The following RYR3 variants were observed in gnomAD, a reference collection of about 807,000 sequenced individuals.
The protein encoded by RYR3 is brain ryanodine receptor-calcium release channel.
In RYR3, 207 loss-of-function variants were observed where a neutral mutation model predicts 584.3. That is an observed-to-expected ratio of 0.35 (90% confidence interval 0.32 to 0.40). The LOEUF (loss-of-function observed/expected upper bound fraction) is 0.40, where lower values mean the gene tolerates loss of function less well. RYR3 is among the 10% of genes least tolerant of loss of function. The pLI is 1.00. For synonymous variants in RYR3, 2,416 were observed against 2,248.5 expected, an observed-to-expected ratio of 1.07 and a Z score of -2.11; for missense variants, 5,616 against 6,089.2, an observed-to-expected ratio of 0.92 and a Z score of 2.59.
At position 33,336,465 on chromosome 15, in the gene RYR3, AG is replaced by A. The variant is rs1383562989; in HGVS notation, c.51+25370del. On this transcript the variant is annotated intron_variant, in intron 1 of 103. Transcript: ENST00000634891. ...AAGAGAGAGAGAGAGAGAGAGAGAGAGAGAGAGAGAGAGAGAGAGAGAAAGA... is the reference window on the plus strand; with the variant it reads ...AAGAGAGAGAGAGAGAGAGAGAGAGAAGAGAGAGAGAGAGAGAGAGAAAGA... Among the ~76,000 whole-genome samples the A allele has an allele frequency of 1.0e-4, 3 of 29,696 alleles. 1 individual carries two copies. The African/African-American group carries it at 1.4e-3, about 14-fold the overall frequency. The allele number at this position is 29,696 out of a possible 152,430, so 19.5% of individuals were successfully genotyped here.
intron 1 of RYR3, among the ~76,000 whole-genome samples, chr15:33,442,806 T>C (rs762595111): frequency 2.6e-5 from 4 of 152,234 alleles, no homozygotes; most frequent in Non-Finnish European, 4.4e-5. Flanking sequence ...CCAAAATAGA[T>C]GCTGCAAAGC....
chr15:33,537,229 T>G (rs2055404881), intron 5 of RYR3, among the ~76,000 whole-genome samples: 1 of 151,934 alleles, frequency 6.6e-6, no homozygotes, highest in African/African-American at 2.4e-5. Context: ...GAAAATCTGG[T>G]TAGATTCGCT....
chr15:33,740,876 G>A (rs139726617), intron 51 of RYR3, among the ~76,000 whole-genome samples: 30 of 152,328 alleles, frequency 2.0e-4, no homozygotes, highest in African/African-American at 7.2e-4. Context: ...CATTCCGTTG[G>A]AAAGAGCTTT....
chr15:33,595,086 A>T (rs781343065), intron 16 of RYR3, among the ~76,000 whole-genome samples: 1 of 111,780 alleles, frequency 8.9e-6, no homozygotes, highest in Non-Finnish European at 2.1e-5. Context: ...AGAAAAAGAC[A>T]TAATTTATAA....
intron 3 of RYR3, among the ~76,000 whole-genome samples, chr15:33,504,861 C>G (rs1357730654): frequency 6.6e-6 from 1 of 152,184 alleles, no homozygotes; most frequent in Non-Finnish European, 1.5e-5. Flanking sequence ...TTCCCTCCTC[C>G]TCTCTCACTT....
chr15:33,448,604 G>A (rs1040735685), intron 1 of RYR3, among the ~76,000 whole-genome samples: 2 of 152,248 alleles, frequency 1.3e-5, no homozygotes, highest in Admixed American at 6.5e-5. Flanking sequence ...TCCACAGATG[G>A]TGACAAAGTA....
At chr15:33,456,570 G>A (rs1268383199) in intron 1 of RYR3, among the ~76,000 whole-genome samples, 1 of 152,088 alleles carries the variant, frequency 6.6e-6, no homozygotes, top group Non-Finnish European at 1.5e-5. Context: ...CTCCCGAGGT[G>A]CTTCACTCCT....
chr15:33,853,226 G>T, intron 95 of RYR3, 139 bp downstream of exon 95: 4 of 901,054 alleles, frequency 4.4e-6, no homozygotes, highest in Non-Finnish European at 6.6e-6. Flanking sequence ...TCACAGAAGG[G>T]GTTGGATATG....
intron 18 of RYR3, 135 bp downstream of exon 18, chr15:33,603,499 G>A: frequency 2.1e-6 from 2 of 958,952 alleles, no homozygotes; most frequent in South Asian, 1.7e-5. Flanking sequence ...CGGTTAGGTG[G>A]AAAAGAGTAT....
intron 3 of RYR3, among the ~76,000 whole-genome samples, chr15:33,503,980 A>G (rs945651832): frequency 4.6e-5 from 7 of 152,232 alleles, no homozygotes; most frequent in African/African-American, 1.7e-4. Context: ...TGAGCAAGGC[A>G]CAGGATGTTA....
intron 3 of RYR3, among the ~76,000 whole-genome samples, chr15:33,509,450 G>T (rs1264964367): frequency 3.3e-5 from 5 of 152,186 alleles, no homozygotes; most frequent in Admixed American, 6.5e-5. Context: ...ATTGGTAATA[G>T]AATTTATTTT....
rs34767570 is a variant in RYR3, at chr15:33,382,319, C to CTTTTTTTTTTTTTTTTTTTTTTTTTTTT, written c.51+71245_51+71246insTTTTTTTTTTTTTTTTTTTTTTTTTTTT. 2.9e-5 allele frequency among the ~76,000 whole-genome samples: 3 copies of CTTTTTTTTTTTTTTTTTTTTTTTTTTTT among 104,780 alleles called. 1 individual carries two copies. Among genetic ancestry groups the CTTTTTTTTTTTTTTTTTTTTTTTTTTTT allele is most frequent in the African/African-American group, 8.1e-5 (2 of 24,678 alleles). The allele number at this position is 104,780 out of a possible 152,430, so 68.7% of individuals were successfully genotyped here. On this transcript the variant is annotated intron_variant, in intron 1 of 103. Coordinates refer to ENST00000634891, the MANE Select transcript of RYR3 (RefSeq NM_001036.6). ...CAGGAACTGCTAATTTTAAAAGTGGCTTTTTTTTTTTTTTTTTTTTTTGAG... is the reference window on the plus strand; with the variant it reads ...CAGGAACTGCTAATTTTAAAAGTGGCTTTTTTTTTTTTTTTTTTTTTTTTTTTTTTTTTTTTTTTTTTTTTTTTTTGAG...
rs376492155 is a variant in RYR3 at position 33,728,857 on chromosome 15, A to G, written c.7034A>G (p.Asp2345Gly). ...IPLKLPSLNK[D>G]GSVSEPDMAA... ...ATTACATTTTCTATGTGTCTTTCAGATGGGTCGGTCAGTGAGCCAGATATG... is the reference window on the plus strand; with the variant it reads ...ATTACATTTTCTATGTGTCTTTCAGGTGGGTCGGTCAGTGAGCCAGATATG... The change falls in exon 47 of 104, where the codon GAT becomes GGT. Residue 2345 changes from aspartate (D) to glycine (G), a missense_variant and splice_region_variant. Physicochemically the swap from Asp to Gly is moderately conservative, Grantham distance 94. Around this residue, in one of 9 missense-constraint regions of RYR3, gnomAD observed 1,280 missense variants for 1,426.2 expected, o/e 0.90. Coordinates refer to ENST00000634891, the MANE Select transcript of RYR3 (RefSeq NM_001036.6). The G allele has an allele frequency of 1.7e-5, 27 of 1,609,154 alleles. No individual in the cohort carries two copies. In the South Asian group the frequency reaches 2.6e-4, roughly 15 times the overall value.
intron 1 of RYR3, among the ~76,000 whole-genome samples, chr15:33,466,943 T>C (rs2048538645): frequency 6.6e-6 from 1 of 152,210 alleles, no homozygotes; most frequent in South Asian, 2.1e-4. Flanking sequence ...GATTGCTATT[T>C]AGAACACACA....
At chr15:33,350,837 C>T (rs1387041424) in intron 1 of RYR3, among the ~76,000 whole-genome samples, 1 of 151,678 alleles carries the variant, frequency 6.6e-6, no homozygotes, top group African/African-American at 2.4e-5. Flanking sequence ...ACCCTAACAT[C>T]ACAATTAAAA....
intron 38 of RYR3, among the ~76,000 whole-genome samples, chr15:33,686,339 A>AT (rs1425502744): frequency 6.6e-6 from 1 of 152,076 alleles, no homozygotes; most frequent in East Asian, 1.9e-4. Context: ...GAAATGGATT[A>AT]CTTCCTGGAC....
intron 67 of RYR3, among the ~76,000 whole-genome samples, chr15:33,791,765 G>A (rs183554057): frequency 8.5e-5 from 13 of 152,220 alleles, no homozygotes; most frequent in Non-Finnish European, 1.5e-4. Flanking sequence ...AACAGGCTAG[G>A]GAGTTAAGGG....
chr15:33,382,319 C>CTTATT (rs2041248200), intron 1 of RYR3, among the ~76,000 whole-genome samples: 1 of 104,780 alleles, frequency 9.5e-6, no homozygotes, highest in African/African-American at 4.1e-5. Context: ...TTAAAAGTGG[C>CTTATT]TTTTTTTTTT....
intron 38 of RYR3, among the ~76,000 whole-genome samples, chr15:33,678,205 G>C (rs193200819): frequency 6.1e-4 from 93 of 152,298 alleles, no homozygotes; most frequent in Admixed American, 2.6e-3. Context: ...GTTTGGCTCT[G>C]TGTCCCCACA....
Sources: gnomAD v4.1 joint callset for allele counts (sites outside exome capture counted in the v4.1 genomes callset) on GRCh38, gnomAD v4.1.1 for gene constraint, gnomAD v4.1.1 regional missense constraint, MANE v1.5 for transcripts, NCBI Gene and HGNC (gene_info 2026-07-23, HGNC 2026-07-21) for gene names.